CLDN14: variants seen among roughly 807,000 people sequenced by gnomAD.
The protein encoded by CLDN14 is claudin 14.
Under a neutral mutation model 2.1 loss-of-function variants are expected in CLDN14, and 2 were observed. The observed-to-expected ratio is 0.96, with a 90% CI of 0.39 to 3.01. The LOEUF is 3.01. CLDN14 is among the 30% of genes most tolerant of loss of function. The pLI is 0.09. For synonymous variants in CLDN14, 136 were observed against 154.4 expected (o/e 0.88, Z 0.88); for missense variants, 298 against 328.0 (o/e 0.91, Z 0.71).
intron 2 of CLDN14, among the ~76,000 whole-genome samples, chr21:36,491,206 AG>A (rs2093180572): frequency 6.6e-6 from 1 of 152,214 alleles, no homozygotes. Flanking sequence ...GCTCTGGTGC[AG>A]GAACTAGGAT....
chr21:36,483,557 G>C (rs2086867963), upstream of CLDN14, among the ~76,000 whole-genome samples: 1 of 152,230 alleles, frequency 6.6e-6, no homozygotes, highest in Non-Finnish European at 1.5e-5. Flanking sequence ...GAACCATGCG[G>C]TGAAGGAACC....
At chr21:36,527,397 A>G (rs1205934583) in intron 1 of CLDN14, among the ~76,000 whole-genome samples, 2 of 152,210 alleles carry the variant, frequency 1.3e-5, no homozygotes, top group Admixed American at 6.5e-5. Context: ...TGCGTCCAGA[A>G]TAATTGGACT....
At chr21:36,476,177 C>T (rs1018136888) in intron 1 of CLDN14, among the ~76,000 whole-genome samples, 28 of 152,152 alleles carry the variant, frequency 1.8e-4, no homozygotes, top group African/African-American at 6.3e-4. Flanking sequence ...TCTCCCACTC[C>T]CTTCGCTTGA....
chr21:36,566,111 T>C (rs1238680508), intron 1 of CLDN14, among the ~76,000 whole-genome samples: 1 of 152,212 alleles, frequency 6.6e-6, no homozygotes, highest in Non-Finnish European at 1.5e-5. Flanking sequence ...ATCCCACTTC[T>C]ACCACTGCCT....
intron 1 of CLDN14, among the ~76,000 whole-genome samples, chr21:36,515,539 G>A (rs2087220758): frequency 6.6e-6 from 1 of 151,676 alleles, no homozygotes; most frequent in Non-Finnish European, 1.5e-5. Context: ...TGGGCATGGT[G>A]GTGGGCGCCT....
At position 36,461,665 on chromosome 21, in the gene CLDN14, A is replaced by C; in HGVS notation, c.31T>G (p.Phe11Val). Residue 11 changes from phenylalanine to valine, a missense_variant, in exon 2 of 2, where the codon TTC becomes GTC. By Grantham distance (50) the Phe-to-Val change is conservative. Transcript: ENST00000399135. Reference protein sequence around the residue: MASTAVQLLGFLLSFLGMVGT... With the variant: MASTAVQLLGVLLSFLGMVGT... Reference sequence around the variant, plus strand: ...ACCATGCCCAGGAAGCTGAGCAGGAAGCCCAGAAGCTGCACGGCCGTGCTG... The same window carrying C: ...ACCATGCCCAGGAAGCTGAGCAGGACGCCCAGAAGCTGCACGGCCGTGCTG... 1.3e-6 allele frequency: 2 copies of C among 1,560,628 alleles called. No homozygotes were observed. Among genetic ancestry groups the C allele is most frequent in the East Asian group, 4.8e-5 (2 of 41,422 alleles).
chr21:36,530,768 C>T (rs185124452), intron 1 of CLDN14, among the ~76,000 whole-genome samples: 1 of 152,130 alleles, frequency 6.6e-6, no homozygotes, highest in African/African-American at 2.4e-5. Context: ...TTCAGATGTA[C>T]CCGGGGGAGT....
At chr21:36,565,628 A>G (rs1261335380) in intron 1 of CLDN14, among the ~76,000 whole-genome samples, 1 of 152,198 alleles carries the variant, frequency 6.6e-6, no homozygotes, top group African/African-American at 2.4e-5. Flanking sequence ...CAGTCTGCAC[A>G]GGGTGGGCTC....
intron 1 of CLDN14, among the ~76,000 whole-genome samples, chr21:36,539,446 T>C (rs1387350217): frequency 6.8e-6 from 1 of 146,742 alleles, no homozygotes; most frequent in Non-Finnish European, 1.5e-5. Flanking sequence ...AATGAGTGTG[T>C]GTGCAGAGTG....
intron 1 of CLDN14, among the ~76,000 whole-genome samples, chr21:36,558,553 A>T (rs1013555567): frequency 2.6e-5 from 4 of 152,188 alleles, no homozygotes; most frequent in Non-Finnish European, 5.9e-5. Flanking sequence ...GTTTATAAAG[A>T]CAGGAAAGGA....
chr21:36,478,567 G>C (rs1376806511), intron 1 of CLDN14, among the ~76,000 whole-genome samples: 1 of 152,236 alleles, frequency 6.6e-6, no homozygotes. Context: ...GTGACTGAGA[G>C]ACACGGGCAT....
At chr21:36,509,852 CCAAAGTA>C (rs2087169882) in intron 2 of CLDN14, among the ~76,000 whole-genome samples, 1 of 152,134 alleles carries the variant, frequency 6.6e-6, no homozygotes, top group Admixed American at 6.5e-5. Flanking sequence ...CCTCAGCCTC[CCAAAGTA>C]CTGGGATTAC....
chr21:36,555,851 G>A (rs2087595520), intron 1 of CLDN14, among the ~76,000 whole-genome samples: 1 of 130,414 alleles, frequency 7.7e-6, no homozygotes, highest in African/African-American at 3.7e-5. Flanking sequence ...GTGTGTGTGT[G>A]AGAGAGAGAG....
At chr21:36,564,306 G>A (rs1368645058) in intron 1 of CLDN14, among the ~76,000 whole-genome samples, 3 of 152,250 alleles carry the variant, frequency 2.0e-5, no homozygotes, top group Non-Finnish European at 2.9e-5. Context: ...GTGCAAGGGT[G>A]TAGGCACCAG....
intron 1 of CLDN14, among the ~76,000 whole-genome samples, chr21:36,529,435 C>T (rs1478288329): frequency 1.3e-5 from 2 of 152,046 alleles, no homozygotes; most frequent in Non-Finnish European, 2.9e-5. Context: ...ATTACAGGCA[C>T]CCACCACTAC....
intron 1 of CLDN14, among the ~76,000 whole-genome samples, chr21:36,550,143 A>G (rs1030281596): frequency 5.9e-5 from 9 of 152,216 alleles, no homozygotes; most frequent in African/African-American, 2.2e-4. Context: ...TCTTTTCAAG[A>G]TATTGTCTTT....
chr21:36,514,716 G>T (rs1032125616), intron 1 of CLDN14, among the ~76,000 whole-genome samples: 3 of 151,388 alleles, frequency 2.0e-5, no homozygotes, highest in Admixed American at 1.3e-4. Context: ...AGAGGAGAAG[G>T]GGGAGAAGGG....
chr21:36,539,686 T>A (rs976105945), intron 1 of CLDN14, among the ~76,000 whole-genome samples: 3 of 138,034 alleles, frequency 2.2e-5, no homozygotes, highest in African/African-American at 8.3e-5. Flanking sequence ...ATGTGTGGAG[T>A]GAGTGTGTGT....
intron 1 of CLDN14, among the ~76,000 whole-genome samples, chr21:36,515,427 CT>C (rs2087219723): frequency 6.6e-6 from 1 of 152,080 alleles, no homozygotes; most frequent in Admixed American, 6.5e-5. Context: ...AATCCCAGCA[CT>C]TTGGGAGCCT....
Sources: allele counts gnomAD v4.1 joint callset (sites outside exome capture counted in the v4.1 genomes callset), GRCh38; gene constraint gnomAD v4.1.1; transcripts MANE v1.5; gene names NCBI Gene and HGNC (gene_info 2026-07-23, HGNC 2026-07-21).